Variants in ARK2C observed in about 807,000 individuals in gnomAD.
The protein encoded by ARK2C is E3 ubiquitin-protein ligase ARK2C.
chr18:46,450,613 G>A, the ARK2C span: 1 of 1,022,618 alleles, frequency 9.8e-7, no homozygotes, highest in Non-Finnish European at 1.5e-6. Flanking sequence ...AATGCTTCCT[G>A]CTCATGTCTT....
the ARK2C span, among the ~76,000 whole-genome samples, chr18:46,357,169 T>C: frequency 3.9e-3 from 588 of 152,308 alleles, 3 homozygotes; most frequent in African/African-American, 0.014. Flanking sequence ...ATATAAACAA[T>C]ATGAAGGACT....
chr18:46,374,952 T>C, the ARK2C span, among the ~76,000 whole-genome samples: 1 of 152,142 alleles, frequency 6.6e-6, no homozygotes, highest in African/African-American at 2.4e-5. Flanking sequence ...CCTACTGCCC[T>C]CCTGGCTTCC....
At chr18:46,340,170 T>A in the ARK2C span, among the ~76,000 whole-genome samples, 24 of 152,346 alleles carry the variant, frequency 1.6e-4, no homozygotes, top group South Asian at 3.3e-3. Flanking sequence ...TAACATTGTA[T>A]GAATGTGAAT....
the ARK2C span, among the ~76,000 whole-genome samples, chr18:46,340,090 C>T: frequency 6.6e-6 from 1 of 152,232 alleles, no homozygotes; most frequent in South Asian, 2.1e-4. Context: ...ACAACTGTCA[C>T]ACAAATCTGC....
At chr18:46,416,169 G>A in the ARK2C span, among the ~76,000 whole-genome samples, 1 of 152,220 alleles carries the variant, frequency 6.6e-6, no homozygotes, top group South Asian at 2.1e-4. Flanking sequence ...CTAAAAATCA[G>A]TGCTTTGCAT....
At chr18:46,367,844 C>T in the ARK2C span, among the ~76,000 whole-genome samples, 1 of 152,230 alleles carries the variant, frequency 6.6e-6, no homozygotes, top group African/African-American at 2.4e-5. Context: ...GATTTCTCGG[C>T]TCTGCTTCTG....
chr18:46,454,409 C>T, the ARK2C span, among the ~76,000 whole-genome samples: 8 of 152,176 alleles, frequency 5.3e-5, no homozygotes, highest in African/African-American at 1.7e-4. Context: ...TCTATTCATA[C>T]TCTAAAGCCA....
the ARK2C span, among the ~76,000 whole-genome samples, chr18:46,452,667 TAA>T: frequency 6.6e-6 from 1 of 152,278 alleles, no homozygotes; most frequent in African/African-American, 2.4e-5. Context: ...AATACATTTT[TAA>T]AACATTCATC....
At chr18:46,415,241 C>A in the ARK2C span, among the ~76,000 whole-genome samples, 1 of 152,170 alleles carries the variant, frequency 6.6e-6, no homozygotes, top group East Asian at 1.9e-4. Flanking sequence ...TGAAGGAAGG[C>A]GAGGCACAGT....
At chr18:46,334,539 G>T in the ARK2C span, 1 of 491,226 alleles carries the variant, frequency 2.0e-6, no homozygotes, top group South Asian at 3.2e-5. This position sits in a 1 kb window ranked among gnomAD's most constrained non-coding sequence, Gnocchi z 4.4. Context: ...GTGAAGTTAG[G>T]GTTTGGCGAA....
At chr18:46,353,666 G>A in the ARK2C span, among the ~76,000 whole-genome samples, 1 of 152,204 alleles carries the variant, frequency 6.6e-6, no homozygotes, top group Admixed American at 6.5e-5. Context: ...GGAGACGCAT[G>A]CTGCTGGTAG....
At chr18:46,338,547 A>G in the ARK2C span, among the ~76,000 whole-genome samples, 1 of 152,156 alleles carries the variant, frequency 6.6e-6, no homozygotes, top group African/African-American at 2.4e-5. Context: ...GGGAAGGGGG[A>G]AGGGGAAATC....
chr18:46,372,457 C>A, the ARK2C span, among the ~76,000 whole-genome samples: 1 of 152,214 alleles, frequency 6.6e-6, no homozygotes, highest in African/African-American at 2.4e-5. Flanking sequence ...AAAATAGTGA[C>A]ATAAAGGGCA....
the ARK2C span, among the ~76,000 whole-genome samples, chr18:46,378,384 C>T: frequency 6.6e-6 from 1 of 152,276 alleles, no homozygotes; most frequent in African/African-American, 2.4e-5. Flanking sequence ...AATCCAGGCT[C>T]CTGGTCTTTT....
chr18:46,430,787 C>A, the ARK2C span, among the ~76,000 whole-genome samples: 1 of 152,160 alleles, frequency 6.6e-6, no homozygotes, highest in Admixed American at 6.5e-5. Flanking sequence ...TCTTCAAGAG[C>A]TTCCTGTTGT....
chr18:46,354,955 A>G, the ARK2C span, among the ~76,000 whole-genome samples: 8 of 152,154 alleles, frequency 5.3e-5, no homozygotes, highest in East Asian at 3.9e-4. Context: ...CTTTTAATAT[A>G]TACATATTTT....
the ARK2C span, among the ~76,000 whole-genome samples, chr18:46,339,760 C>T: frequency 6.6e-6 from 1 of 152,186 alleles, no homozygotes; most frequent in South Asian, 2.1e-4. Flanking sequence ...TTCCGCAAAC[C>T]AGCAAATACT....
the ARK2C span, among the ~76,000 whole-genome samples, chr18:46,348,223 AG>A: frequency 2.3e-4 from 1 of 4,348 alleles, no homozygotes; most frequent in African/African-American, 7.5e-4. Context: ...TTGTGGGCCA[AG>A]GGGCTGGGGG....
chr18:46,447,339 C>G, the ARK2C span: 1 of 507,220 alleles, frequency 2.0e-6, no homozygotes, highest in Non-Finnish European at 3.5e-6. Flanking sequence ...TTTCATAGAG[C>G]CTGGATTGCT....
Sources: gnomAD v4.1 joint callset for allele counts (sites outside exome capture counted in the v4.1 genomes callset) on GRCh38, gnomAD v4.1.1 for gene constraint, Gnocchi (gnomAD v3.1) non-coding constraint, MANE v1.5 for transcripts, NCBI Gene and HGNC (gene_info 2026-07-23, HGNC 2026-07-21) for gene names.